Variants in ARL6IP6 observed in about 807,000 individuals in gnomAD.
ARL6IP6 encodes the protein ARF like GTPase 6 interacting protein 6.
In ARL6IP6, 22 loss-of-function variants were observed where a neutral mutation model predicts 21.5. That is an observed-to-expected ratio of 1.02 (90% CI 0.73 to 1.46). ARL6IP6 has a LOEUF of 1.46. Among genes scored for constraint, ARL6IP6 ranks in the 40% most tolerant of loss-of-function variants. The probability of loss-of-function intolerance (pLI) is 0.00; values close to 1 mark genes in which losing one functional copy is unlikely to be tolerated. For missense variants in ARL6IP6, 388 were observed against 299.8 expected (o/e 1.29, Z -2.17); for synonymous variants, 164 against 125.3 (o/e 1.31, Z -2.06).
chr2:152,722,467 C>G (rs1474604065), intron 2 of ARL6IP6, among the ~76,000 whole-genome samples: 2 of 152,094 alleles, frequency 1.3e-5, no homozygotes, highest in Non-Finnish European at 2.9e-5. Context: ...CAATCAGTTT[C>G]CTGGGGGTTA....
At chr2:152,732,545 A>G (rs1347259458) in intron 2 of ARL6IP6, 2 of 460,914 alleles carry the variant, frequency 4.3e-6, no homozygotes. Context: ...TATCTGTATT[A>G]GCAGGAAATT....
intron 3 of ARL6IP6, among the ~76,000 whole-genome samples, chr2:152,746,741 G>T (rs539951002): frequency 6.6e-6 from 1 of 151,446 alleles, no homozygotes; most frequent in South Asian, 2.1e-4. Flanking sequence ...TTTTGAGCTG[G>T]AAGTCTGACC....
Position 152,718,638 on chromosome 2 carries a change from A to G in ARL6IP6, c.14A>G (p.Glu5Gly). 6.5e-7 allele frequency: 1 copy of G among 1,539,010 alleles called. No individual in the cohort carries two copies. The highest frequency in any genetic ancestry group is 8.8e-7 in the Non-Finnish European group (1 of 1,142,006). The change falls in exon 1 of 4, where the codon GAG becomes GGG. Residue 5 changes from glutamate (E) to glycine (G), a missense_variant. Physicochemically the swap from Glu to Gly is moderately conservative, Grantham distance 98 (BLOSUM62 -2). Transcript: ENST00000326446. MSFA[E>G]SGWRSALRRR... ...GTGTTTCGCGCCATGTCGTTTGCTG[A>G]GAGCGGGTGGCGGTCGGCTCTGCGG... is the stretch of plus-strand genomic sequence containing the variant.
chr2:152,719,083 C>T, intron 1 of ARL6IP6, 59 bp downstream of exon 1: 1 of 1,448,158 alleles, frequency 6.9e-7, no homozygotes, highest in Non-Finnish European at 9.1e-7. Flanking sequence ...GGGTGTGGCT[C>T]TCGTCTCCAC....
chr2:152,746,821 CTTTTTTTTTTTTTTT>C (rs61506535), intron 3 of ARL6IP6, among the ~76,000 whole-genome samples: 1 of 33,074 alleles, frequency 3.0e-5, no homozygotes, highest in Admixed American at 3.6e-4. Context: ...TTTATCCTTT[CTTTTTTTTTTTTTTT>C]TTTTTTTTTG....
intron 3 of ARL6IP6, among the ~76,000 whole-genome samples, chr2:152,756,552 A>G (rs1021514062): frequency 2.0e-5 from 3 of 152,166 alleles, no homozygotes; most frequent in African/African-American, 7.2e-5. Context: ...AATAAACATT[A>G]TTTACAACAC....
At position 152,750,702 on chromosome 2, in the gene ARL6IP6, G is replaced by A. The variant is rs187643670; in HGVS notation, c.588-9045G>A. On this transcript the variant is annotated intron_variant, in intron 3 of 3. Transcript: ENST00000326446. ...TGTACCTTTTAAAACCTGGGTTAAA[G>A]CTTGTATCATTAAGGAAACTTAACC... Among the ~76,000 whole-genome samples, 729 of 152,244 alleles carry A rather than the reference G, an allele frequency of 4.8e-3. 4 individuals are homozygous for A. Among genetic ancestry groups the A allele is most frequent in the African/African-American group, 0.016 (677 of 41,538 alleles).
At chr2:152,746,725 A>G (rs1375351912) in intron 3 of ARL6IP6, among the ~76,000 whole-genome samples, 2 of 151,136 alleles carry the variant, frequency 1.3e-5, no homozygotes, top group African/African-American at 4.9e-5. Flanking sequence ...TTCTTTTCTT[A>G]AGGTTTTTTG....
intron 3 of ARL6IP6, among the ~76,000 whole-genome samples, chr2:152,742,544 T>G (rs894185400): frequency 1.5e-5 from 2 of 133,708 alleles, no homozygotes; most frequent in African/African-American, 2.9e-5. Context: ...CATTCCAGCC[T>G]CAGTGACAGA....
At chr2:152,718,215 G>C (rs1392167288), upstream of ARL6IP6, 2 of 408,824 alleles carry the variant, frequency 4.9e-6, no homozygotes, top group Non-Finnish European at 6.7e-6. Flanking sequence ...GTGTCTCCGA[G>C]GGCGCGAGCG....
chr2:152,720,575 C>G lies in ARL6IP6; in HGVS notation c.443C>G (p.Thr148Ser). 6.2e-7 allele frequency: 1 copy of G among 1,614,008 alleles called. No individual in the cohort carries two copies. Among genetic ancestry groups the G allele is most frequent in the South Asian group, 1.1e-5 (1 of 91,070 alleles). Residue 148 changes from threonine (T) to serine (S), a missense_variant, in exon 2 of 4, where the codon ACT (threonine) becomes AGT (serine). Coordinates refer to ENST00000326446, the MANE Select transcript of ARL6IP6 (RefSeq NM_152522.7). ...TTGAAAAATGAAGATGATGTAGACA[C>G]TGGACTATTAGGTATGGACTTAATT... ...ENLKNEDDVD[T>S]GLLGFWTLLI... is the part of the protein sequence containing the mutation.
At position 152,762,384 on chromosome 2, in the gene ARL6IP6, C is replaced by T. The variant is rs141087876; in HGVS notation, c.*2544C>T. Among the ~76,000 whole-genome samples the T allele has an allele frequency of 4.7e-4, 71 of 152,238 alleles. No individual in the cohort carries two copies. The highest frequency in any genetic ancestry group is 1.4e-3 in the African/African-American group (57 of 41,554). On this transcript the variant is annotated 3_prime_UTR_variant, in exon 4 of 4. Transcript: ENST00000326446. Reference sequence around the variant, plus strand: ...GAGTCAATAAATTTCTGTCTTTTGGCCTTTGCAGTTTACATTGGCTTTTGT... The same window carrying T: ...GAGTCAATAAATTTCTGTCTTTTGGTCTTTGCAGTTTACATTGGCTTTTGT...
intron 3 of ARL6IP6, among the ~76,000 whole-genome samples, chr2:152,748,681 C>T (rs1701172576): frequency 6.6e-6 from 1 of 152,186 alleles, no homozygotes; most frequent in South Asian, 2.1e-4. Flanking sequence ...AAGCACAGAG[C>T]GCTTTCTGCT....
At chr2:152,719,145 C>T in intron 1 of ARL6IP6, 121 bp downstream of exon 1, 18 of 1,165,656 alleles carry the variant, frequency 1.5e-5, no homozygotes, top group Non-Finnish European at 2.1e-5. Context: ...TGCTTTCACC[C>T]AGAGTCCTCA....
chr2:152,744,104 G>A (rs1700936882), intron 3 of ARL6IP6, among the ~76,000 whole-genome samples: 1 of 152,060 alleles, frequency 6.6e-6, no homozygotes, highest in African/African-American at 2.4e-5. Flanking sequence ...TCAGTTTAAT[G>A]ACCTCGAACA....
At chr2:152,723,252 A>G (rs78240468) in intron 2 of ARL6IP6, among the ~76,000 whole-genome samples, 2 of 152,384 alleles carry the variant, frequency 1.3e-5, no homozygotes, top group East Asian at 3.9e-4. Context: ...AATATTTAAT[A>G]AGAAAATGTG....
At chr2:152,719,923 G>A (rs1359869294) in intron 1 of ARL6IP6, 1 of 470,954 alleles carries the variant, frequency 2.1e-6, no homozygotes, top group East Asian at 6.9e-5. Context: ...AGATGGCATG[G>A]CATCTAAAAC....
Position 152,728,479 on chromosome 2 carries a change from C to T in ARL6IP6, c.455-6515C>T, listed in dbSNP as rs1223255453. Among the ~76,000 whole-genome samples the T allele has an allele frequency of 3.9e-5, 6 of 152,184 alleles. No homozygotes were observed. The South Asian group carries it at 6.2e-4, about 16-fold the overall frequency. ...AACTTCTTGAAAGTTGCCTCATCCCCGTAAGCTAAAACTGTTAAACAAAAT... is the reference window on the plus strand; with the variant it reads ...AACTTCTTGAAAGTTGCCTCATCCCTGTAAGCTAAAACTGTTAAACAAAAT... On this transcript the variant is annotated intron_variant, in intron 2 of 3. Transcript: ENST00000326446.
At chr2:152,722,627 G>A (rs1297241220) in intron 2 of ARL6IP6, among the ~76,000 whole-genome samples, 3 of 152,162 alleles carry the variant, frequency 2.0e-5, no homozygotes, top group African/African-American at 4.8e-5. Flanking sequence ...GATCGGCCAC[G>A]CGCGGTGGCT....
Sources: allele counts gnomAD v4.1 joint callset (sites outside exome capture counted in the v4.1 genomes callset), GRCh38; gene constraint gnomAD v4.1.1; transcripts MANE v1.5; gene names NCBI Gene and HGNC (gene_info 2026-07-23, HGNC 2026-07-21).